The following CPLX2 variants were observed in gnomAD, a reference collection of about 807,000 sequenced individuals.
The protein encoded by CPLX2 is complexin-2.
A neutral mutation model predicts 16.3 loss-of-function variants in CPLX2; 5 were observed. The observed-to-expected ratio is 0.31, with a 90% CI of 0.16 to 0.64. The LOEUF (loss-of-function observed/expected upper bound fraction) is 0.64. CPLX2 is among the 30% of genes least tolerant of loss of function. The pLI, the probability that CPLX2 is intolerant of heterozygous loss-of-function variation, is 0.79. For missense variants in CPLX2, 144 were observed against 181.4 expected (o/e 0.79, Z 1.18); for synonymous variants, 89 against 73.2 (o/e 1.22, Z -1.10).
At chr5:175,804,106 C>A (rs761994933) in intron 1 of CPLX2, among the ~76,000 whole-genome samples, 87 of 152,186 alleles carry the variant, frequency 5.7e-4, no homozygotes, top group Admixed American at 1.3e-3. Context: ...TGCAAAAAAA[C>A]CGTGATGAAT....
rs1260673804 is a variant in CPLX2, at chr5:175,883,120, A to G, written c.*3075A>G. 1 of 152,316 alleles carries G rather than the reference A, an allele frequency of 6.6e-6. No individual in the cohort carries two copies. The highest frequency in any genetic ancestry group is 2.4e-5 in the African/African-American group (1 of 41,462). 9.4% of individuals were successfully genotyped at this position (152,316 alleles called of 1,614,324 possible). ...AGGAGCAATCATTTGTAGATGGGTG[A>G]AAAAAGAATGAGGTTCAAGGGAGCG... On this transcript the variant is annotated 3_prime_UTR_variant, in exon 4 of 4. Transcript: ENST00000393745.
intron 1 of CPLX2, among the ~76,000 whole-genome samples, chr5:175,805,879 T>C (rs1181846841): frequency 2.6e-5 from 4 of 152,038 alleles, no homozygotes; most frequent in Non-Finnish European, 5.9e-5. Context: ...ATGTCACCGC[T>C]ACACACACAC....
At chr5:175,854,911 G>A (rs375905669) in intron 2 of CPLX2, among the ~76,000 whole-genome samples, 1 of 152,342 alleles carries the variant, frequency 6.6e-6, no homozygotes, top group East Asian at 1.9e-4. Flanking sequence ...CCAAGGCATC[G>A]GGGCTGCAAC....
chr5:175,828,951 G>A (rs1004548678), intron 2 of CPLX2, among the ~76,000 whole-genome samples: 2 of 152,094 alleles, frequency 1.3e-5, no homozygotes, highest in African/African-American at 2.4e-5. Flanking sequence ...AGTGAGGTCT[G>A]GGGGAGGAAA....
Position 175,882,194 on chromosome 5 carries a change from TG to T in CPLX2, c.*2153del, listed in dbSNP as rs1377980949. 1 of 152,468 alleles carries T rather than the reference TG, an allele frequency of 6.6e-6. No individual in the cohort carries two copies. Among genetic ancestry groups the T allele is most frequent in the Non-Finnish European group, 1.5e-5 (1 of 68,120 alleles). The allele number at this position is 152,468 out of a possible 1,614,324, so 9.4% of individuals were successfully genotyped here. A position where few individuals can be genotyped will look rare whatever the true frequency, so the allele number is the denominator to read the frequency against. Reference sequence around the variant, plus strand: ...TCTGTGTCTGTGCCTGTGTCTGTGATGGGGAGCCGCCTCGCACCCCTGTTGT... The same window carrying T: ...TCTGTGTCTGTGCCTGTGTCTGTGATGGGAGCCGCCTCGCACCCCTGTTGT... On this transcript the variant is annotated 3_prime_UTR_variant, in exon 4 of 4. Transcript: ENST00000393745.
At chr5:175,836,218 C>T (rs184275415) in intron 2 of CPLX2, among the ~76,000 whole-genome samples, 52 of 152,154 alleles carry the variant, frequency 3.4e-4, no homozygotes, top group Admixed American at 1.3e-3. Context: ...GGCGTGGTGG[C>T]GGGCACCTGT....
intron 1 of CPLX2, among the ~76,000 whole-genome samples, chr5:175,800,526 T>A (rs1229598119): frequency 6.6e-6 from 1 of 151,788 alleles, no homozygotes. Flanking sequence ...GGAGTGTGAT[T>A]GCAGTCCAGA....
At chr5:175,823,315 G>A (rs1250127818) in intron 2 of CPLX2, among the ~76,000 whole-genome samples, 1 of 152,144 alleles carries the variant, frequency 6.6e-6, no homozygotes, top group Non-Finnish European at 1.5e-5. Flanking sequence ...GTGGTGAGAT[G>A]GATGGAAAAC....
intron 1 of CPLX2, among the ~76,000 whole-genome samples, chr5:175,797,099 G>C (rs905059169): frequency 5.9e-5 from 9 of 152,182 alleles, no homozygotes; most frequent in African/African-American, 2.2e-4. Flanking sequence ...CTGGTTCCGC[G>C]CGGCTGCTAA....
chr5:175,867,198 G>A (rs1449388738), upstream of CPLX2, among the ~76,000 whole-genome samples: 2 of 152,158 alleles, frequency 1.3e-5, no homozygotes, highest in African/African-American at 4.8e-5. Flanking sequence ...GGAGGGGTCA[G>A]TCACTATCTG....
intron 2 of CPLX2, among the ~76,000 whole-genome samples, chr5:175,847,157 C>T (rs1162129984): frequency 6.6e-6 from 1 of 152,208 alleles, no homozygotes; most frequent in Non-Finnish European, 1.5e-5. Context: ...GACGTGAGGC[C>T]ACCGCAGGAA....
At chr5:175,842,142 A>C (rs766254442) in intron 2 of CPLX2, among the ~76,000 whole-genome samples, 1 of 152,230 alleles carries the variant, frequency 6.6e-6, no homozygotes, top group African/African-American at 2.4e-5. Flanking sequence ...GGGAGCCCAG[A>C]GGAGGAGACA....
intron 2 of CPLX2, among the ~76,000 whole-genome samples, chr5:175,847,700 C>A (rs1432573108): frequency 6.6e-6 from 1 of 152,196 alleles, no homozygotes; most frequent in Non-Finnish European, 1.5e-5. Flanking sequence ...AAGGCGGCTG[C>A]AGAACCTGCC....
chr5:175,807,652 C>A (rs1758233324), intron 1 of CPLX2, among the ~76,000 whole-genome samples: 1 of 151,804 alleles, frequency 6.6e-6, no homozygotes, highest in Non-Finnish European at 1.5e-5. Flanking sequence ...TTGTCACCAG[C>A]ATTTAGAACA....
At chr5:175,825,691 C>T (rs994890001) in intron 2 of CPLX2, among the ~76,000 whole-genome samples, 3 of 152,114 alleles carry the variant, frequency 2.0e-5, no homozygotes, top group African/African-American at 7.2e-5. Context: ...CTCCTGGTCA[C>T]CACCATCTGC....
chr5:175,844,681 G>C (rs754984586), intron 2 of CPLX2, among the ~76,000 whole-genome samples: 4 of 152,370 alleles, frequency 2.6e-5, no homozygotes, highest in Middle Eastern at 3.4e-3. Context: ...AGTGCGAAGG[G>C]CCGGAGGCTG....
chr5:175,829,667 G>A (rs949558186), intron 2 of CPLX2, among the ~76,000 whole-genome samples: 3 of 152,166 alleles, frequency 2.0e-5, no homozygotes, highest in African/African-American at 7.2e-5. Context: ...GAGTCACAAA[G>A]CATCCTCTAC....
chr5:175,856,757 C>T (rs1462270562), intron 2 of CPLX2, among the ~76,000 whole-genome samples: 1 of 152,052 alleles, frequency 6.6e-6, no homozygotes, highest in Non-Finnish European at 1.5e-5. Flanking sequence ...GGCAAATGTG[C>T]AGGGCCTGCG....
At chr5:175,867,604 TA>T (rs1759501313), upstream of CPLX2, among the ~76,000 whole-genome samples, 1 of 152,012 alleles carries the variant, frequency 6.6e-6, no homozygotes, top group African/African-American at 2.4e-5. Flanking sequence ...TCTACTCTAA[TA>T]ACACCCCACG....
Sources: gnomAD v4.1 joint callset for allele counts (sites outside exome capture counted in the v4.1 genomes callset) on GRCh38, gnomAD v4.1.1 for gene constraint, MANE v1.5 for transcripts, NCBI Gene and HGNC (gene_info 2026-07-23, HGNC 2026-07-21) for gene names.